HNMT: variants seen among roughly 807,000 people sequenced by gnomAD.
HNMT encodes histamine N-methyltransferase.
Under a neutral mutation model 32.1 loss-of-function variants are expected in HNMT, and 30 were observed. The observed-to-expected ratio is 0.93, with a 90% CI of 0.70 to 1.27. The LOEUF (loss-of-function observed/expected upper bound fraction) is 1.27, where lower values mean the gene tolerates loss of function less well. Among genes scored for constraint, HNMT ranks in the 50% most tolerant of loss-of-function variants. The probability of loss-of-function intolerance (pLI) is 0.00; values close to 1 mark genes in which losing one functional copy is unlikely to be tolerated. For synonymous variants in HNMT, 125 were observed against 119.0 expected, an observed-to-expected ratio of 1.05 and a Z score of -0.33; for missense variants, 327 against 346.0, an observed-to-expected ratio of 0.95 and a Z score of 0.43.
rs56391028 is a variant in HNMT at position 138,010,441 on chromosome 2, G to GCACACACACA, written c.524-3301_524-3292dup. ...AAAAGGCTCAATAAAAAAGACACAC[G>GCACACACACA]CACACACACACACACACACACACAC... On this transcript the variant is annotated intron_variant, in intron 5 of 5. Transcript: ENST00000280097. Among the ~76,000 whole-genome samples the GCACACACACA allele has an allele frequency of 3.0e-4, 38 of 125,698 alleles. 1 individual carries two copies. The highest frequency in any genetic ancestry group is 4.2e-3 in the Middle Eastern group (1 of 240). The allele number at this position is 125,698 out of a possible 152,430, so 82.5% of individuals were successfully genotyped here. A position where few individuals can be genotyped will look rare whatever the true frequency, so the allele number is the denominator to read the frequency against.
At chr2:137,969,091 G>C (rs144461171) in intron 1 of HNMT, among the ~76,000 whole-genome samples, 8 of 152,308 alleles carry the variant, frequency 5.3e-5, no homozygotes, top group Non-Finnish European at 8.8e-5. Context: ...ATTCGATGGA[G>C]ATTTTTCCTT....
chr2:138,005,259 C>G, intron 5 of HNMT, 34 bp downstream of exon 5: 1 of 1,135,172 alleles, frequency 8.8e-7, no homozygotes, highest in Non-Finnish European at 1.3e-6. Context: ...AATTTTAAAA[C>G]AGCAATAATA....
intron 2 of HNMT, among the ~76,000 whole-genome samples, chr2:137,980,042 T>G (rs1490997108): frequency 7.9e-5 from 12 of 151,474 alleles, no homozygotes; most frequent in African/African-American, 2.7e-4. Context: ...AACAGGTTTT[T>G]TTTTTTTTTT....
intron 2 of HNMT, chr2:137,981,670 G>A: frequency 2.7e-6 from 1 of 372,924 alleles, no homozygotes; most frequent in Non-Finnish European, 4.9e-6. Context: ...CATGAACTGT[G>A]GTAAATTATC....
intron 3 of HNMT, among the ~76,000 whole-genome samples, chr2:138,001,302 T>A (rs899340743): frequency 2.0e-5 from 3 of 152,198 alleles, no homozygotes; most frequent in Non-Finnish European, 4.4e-5. Flanking sequence ...CATTCATTGA[T>A]CCAGAATTAT....
At chr2:137,975,772 C>A (rs1680268554) in intron 2 of HNMT, among the ~76,000 whole-genome samples, 1 of 152,106 alleles carries the variant, frequency 6.6e-6, no homozygotes, top group Non-Finnish European at 1.5e-5. Flanking sequence ...TACCAATGAT[C>A]CATAGTAAGC....
chr2:137,977,420 T>C (rs538361590), intron 2 of HNMT, among the ~76,000 whole-genome samples: 67 of 152,116 alleles, frequency 4.4e-4, no homozygotes, highest in Non-Finnish European at 6.9e-4. Context: ...CTTGTTGTTA[T>C]CTTCATTTTA....
In HNMT at chr2:137,972,136, G is replaced by A. The variant is rs142024203; in HGVS notation, c.190+1919G>A. On this transcript the variant is annotated intron_variant, in intron 2 of 5. Coordinates refer to ENST00000280097, the MANE Select transcript of HNMT (RefSeq NM_006895.3). ...TGTTTGTTTTTTGAGATGGAGTCTC[G>A]CTCTGTTGCCCAGGCTAGAGTACAG... 5.8e-3 allele frequency among the ~76,000 whole-genome samples: 882 copies of A among 152,042 alleles called. 3 individuals are homozygous for A. Among genetic ancestry groups the A allele is most frequent in the Admixed American group, 0.01 (155 of 15,258 alleles).
intron 2 of HNMT, among the ~76,000 whole-genome samples, chr2:137,977,400 G>A (rs1680318545): frequency 6.6e-6 from 1 of 152,058 alleles, no homozygotes; most frequent in Non-Finnish European, 1.5e-5. Context: ...TGCAACTCTG[G>A]TGTAGGTGAC....
chr2:137,981,433 A>G, intron 2 of HNMT: 1 of 1,447,542 alleles, frequency 6.9e-7, no homozygotes. Context: ...GAAGCCTACT[A>G]GATCACACAG....
At chr2:137,999,090 G>A (rs1681084722) in intron 2 of HNMT, among the ~76,000 whole-genome samples, 1 of 152,110 alleles carries the variant, frequency 6.6e-6, no homozygotes, top group African/African-American at 2.4e-5. Context: ...TGAGTTAGAA[G>A]AATAAACATT....
chr2:137,981,849 CTTA>C (rs1157640714), intron 2 of HNMT, among the ~76,000 whole-genome samples: 1 of 151,984 alleles, frequency 6.6e-6, no homozygotes, highest in African/African-American at 2.4e-5. Flanking sequence ...CAGGCTTCTT[CTTA>C]TTATTATTAT....
chr2:137,975,119 T>G (rs1338030287), intron 2 of HNMT, among the ~76,000 whole-genome samples: 1 of 152,208 alleles, frequency 6.6e-6, no homozygotes, highest in Non-Finnish European at 1.5e-5. Context: ...GGAGAAAGTG[T>G]CTGAGACAGC....
At position 138,005,188 on chromosome 2, in the gene HNMT, A is replaced by G; in HGVS notation, c.486A>G (p.Leu162=). The change falls in exon 5 of 6, where the codon TTA becomes TTG. Residue 162 remains leucine, a synonymous_variant. Transcript: ENST00000280097. ...CCCTGAAATTCTTCCATAGTCTCTT[A>G]GGTACCAATGCTAAGATGCTCATTA... The part of the protein sequence containing the change: ...PATLKFFHSL[L]GTNAKMLIIV... The G allele has an allele frequency of 6.2e-7, 1 of 1,603,292 alleles. No individual in the cohort carries two copies. The highest frequency in any genetic ancestry group is 8.5e-7 in the Non-Finnish European group (1 of 1,170,756).
At chr2:138,011,286 G>A (rs1017131444) in intron 5 of HNMT, among the ~76,000 whole-genome samples, 8 of 151,904 alleles carry the variant, frequency 5.3e-5, no homozygotes, top group Admixed American at 3.3e-4. Context: ...CTTGTTTGCC[G>A]GCAAACTCTT....
At chr2:138,013,687 T>C in intron 5 of HNMT, 88 bp from the exon 6 acceptor site, 1 of 913,138 alleles carries the variant, frequency 1.1e-6, no homozygotes, top group Non-Finnish European at 1.7e-6. Context: ...TATTATTTTG[T>C]TCTATTCTAA....
chr2:137,964,581 G>C lies in HNMT; in HGVS notation c.90G>C (p.Gln30His). 1 of 1,613,806 alleles carries C rather than the reference G, an allele frequency of 6.2e-7. No homozygotes were observed. The highest frequency in any genetic ancestry group is 8.5e-7 in the Non-Finnish European group (1 of 1,179,772). The part of the protein sequence containing the change: ...RRFLNHSTEH[Q>H]CMQEFMDKKL... ...TTCTCAACCATTCCACGGAACACCA[G>C]TGCATGCAGGAATTCATGGACAAGA... Residue 30 changes from glutamine to histidine, a missense_variant, in exon 1 of 6, where the codon CAG becomes CAC. By Grantham distance (24) the Gln-to-His change is conservative. Transcript: ENST00000280097.
intron 2 of HNMT, among the ~76,000 whole-genome samples, chr2:137,999,571 C>A (rs1365948206): frequency 2.6e-5 from 4 of 152,142 alleles, no homozygotes; most frequent in Non-Finnish European, 2.9e-5. Context: ...TCTGCTTTTG[C>A]TTCCTGCTAT....
At chr2:138,002,963 T>C (rs1681222405) in intron 4 of HNMT, among the ~76,000 whole-genome samples, 1 of 151,658 alleles carries the variant, frequency 6.6e-6, no homozygotes, top group Non-Finnish European at 1.5e-5. Context: ...ATACATGTTA[T>C]AGAAAGGGAG....
Sources: gnomAD v4.1 joint callset for allele counts (sites outside exome capture counted in the v4.1 genomes callset) on GRCh38, gnomAD v4.1.1 for gene constraint, MANE v1.5 for transcripts, NCBI Gene and HGNC (gene_info 2026-07-23, HGNC 2026-07-21) for gene names.